The following CHN1 variants were observed in gnomAD, a reference collection of about 807,000 sequenced individuals.
The protein encoded by CHN1 is N-chimaerin.
A neutral mutation model predicts 59.5 loss-of-function variants in CHN1; 37 were observed. The ratio of observed to expected loss-of-function variants is 0.62; its 90% CI spans 0.48 to 0.82. The LOEUF (loss-of-function observed/expected upper bound fraction) is 0.82, where lower values mean the gene tolerates loss of function less well. Ranked by LOEUF, CHN1 falls within the 40% of genes least tolerant of loss-of-function variation. CHN1 has a pLI of 0.00. For missense variants in CHN1, 469 were observed against 571.0 expected, an observed-to-expected ratio of 0.82 and a Z score of 1.82; for synonymous variants, 206 against 200.4, an observed-to-expected ratio of 1.03 and a Z score of -0.24.
At chr2:174,945,693 T>C (rs1476437158) in intron 2 of CHN1, among the ~76,000 whole-genome samples, 2 of 152,060 alleles carry the variant, frequency 1.3e-5, no homozygotes, top group African/African-American at 4.8e-5. Context: ...TTTCTACATA[T>C]ATAATCACAT....
chr2:174,819,100 T>G (rs921870159), intron 8 of CHN1, among the ~76,000 whole-genome samples: 1 of 152,196 alleles, frequency 6.6e-6, no homozygotes, highest in Non-Finnish European at 1.5e-5. Flanking sequence ...TTAAGAAGAA[T>G]GCTTTGTTCT....
At chr2:174,981,688 T>G (rs2105450169) in intron 1 of CHN1, among the ~76,000 whole-genome samples, 1 of 152,334 alleles carries the variant, frequency 6.6e-6, no homozygotes, top group East Asian at 1.9e-4. Context: ...TTCATCAGCA[T>G]TTTGCCCATT....
intron 8 of CHN1, among the ~76,000 whole-genome samples, chr2:174,820,920 G>GC (rs1685468806): frequency 6.6e-6 from 1 of 152,082 alleles, no homozygotes; most frequent in African/African-American, 2.4e-5. Flanking sequence ...TTCCTGACAA[G>GC]CTCTCTTTTG....
intron 6 of CHN1, chr2:174,847,162 G>C (rs1558950400): frequency 6.5e-7 from 1 of 1,538,720 alleles, no homozygotes; most frequent in Non-Finnish European, 8.8e-7. Context: ...AAAACCTATA[G>C]TGGTCTATGT....
chr2:174,799,419 A>C lies in CHN1; in HGVS notation c.*697T>G, dbSNP rs996633562. 4 of 448,688 alleles carry C rather than the reference A, an allele frequency of 8.9e-6. No homozygotes were observed. In the Admixed American group the frequency reaches 1.3e-4, roughly 15 times the overall value. 27.8% of individuals were successfully genotyped at this position (448,688 alleles called of 1,614,324 possible). On this transcript the variant is annotated 3_prime_UTR_variant, in exon 13 of 13. Coordinates refer to ENST00000409900, the MANE Select transcript of CHN1 (RefSeq NM_001822.7). ...ATTTTTTATTTCTAAAAGCCAATTT[A>C]ATAAATTAATAAACGCATGCCAGAA...
intron 7 of CHN1, among the ~76,000 whole-genome samples, chr2:174,825,566 G>C (rs940925870): frequency 6.6e-6 from 1 of 152,090 alleles, no homozygotes; most frequent in Admixed American, 6.5e-5. Flanking sequence ...AGGCATTCTA[G>C]GTTAACTCAG....
intron 1 of CHN1, among the ~76,000 whole-genome samples, chr2:174,952,504 G>C (rs1007506817): frequency 6.6e-6 from 1 of 152,094 alleles, no homozygotes; most frequent in Non-Finnish European, 1.5e-5. Flanking sequence ...AGTCAATAAA[G>C]GCTTTGTTTC....
At chr2:174,951,027 C>T (rs934814688) in intron 2 of CHN1, among the ~76,000 whole-genome samples, 2 of 152,194 alleles carry the variant, frequency 1.3e-5, no homozygotes, top group Non-Finnish European at 2.9e-5. Context: ...AATCCGCCTG[C>T]CTCTGCCTCC....
intron 5 of CHN1, among the ~76,000 whole-genome samples, chr2:174,909,803 G>A (rs1688640043): frequency 6.6e-6 from 1 of 152,168 alleles, no homozygotes. Flanking sequence ...GGTAATACTT[G>A]TGGCTGAAAG....
intron 6 of CHN1, among the ~76,000 whole-genome samples, chr2:174,856,603 T>C (rs1441998223): frequency 1.3e-5 from 2 of 152,162 alleles, no homozygotes; most frequent in African/African-American, 4.8e-5. Context: ...AAGGGAGCTT[T>C]TTCACACTAC....
Position 174,878,091 on chromosome 2 carries a change from C to A in CHN1, c.298G>T (p.Asp100Tyr). The change falls in exon 6 of 13, where the codon GAT becomes TAT. Residue 100 changes from aspartate (D) to tyrosine (Y), a missense_variant. Transcript: ENST00000409900. ...TTCTCCCCAACAAAGTGCTTGCCATCGTAGTAGAGCCTGAAGTTTCTGGTT... is the reference window on the plus strand; with the variant it reads ...TTCTCCCCAACAAAGTGCTTGCCATAGTAGTAGAGCCTGAAGTTTCTGGTT... ...SQTRNFRLYY[D>Y]GKHFVGEKRF... 6.3e-7 allele frequency: 1 copy of A among 1,588,780 alleles called. No homozygotes were observed. The highest frequency in any genetic ancestry group is 8.6e-7 in the Non-Finnish European group (1 of 1,164,556).
chr2:174,913,330 A>G (rs1311306840), intron 5 of CHN1, among the ~76,000 whole-genome samples: 1 of 152,176 alleles, frequency 6.6e-6, no homozygotes, highest in Non-Finnish European at 1.5e-5. Flanking sequence ...ATTCTGGACC[A>G]TTTACATCAA....
intron 7 of CHN1, among the ~76,000 whole-genome samples, chr2:174,844,699 C>T (rs1686446954): frequency 6.6e-6 from 1 of 152,130 alleles, no homozygotes; most frequent in African/African-American, 2.4e-5. Context: ...CTGGGATGTT[C>T]TTGGAAGTCA....
chr2:174,950,243 A>C (rs1689979059), intron 2 of CHN1, among the ~76,000 whole-genome samples: 1 of 150,404 alleles, frequency 6.6e-6, no homozygotes, highest in South Asian at 2.1e-4. Flanking sequence ...GCAATAGCCT[A>C]TCTCTCTCTT....
intron 6 of CHN1, among the ~76,000 whole-genome samples, chr2:174,871,195 A>G (rs1257824525): frequency 6.6e-6 from 1 of 151,446 alleles, no homozygotes; most frequent in Non-Finnish European, 1.5e-5. Flanking sequence ...GCTGCTTTGA[A>G]CATAGCCCTA....
chr2:174,894,773 T>G (rs991002996), intron 5 of CHN1, among the ~76,000 whole-genome samples: 4 of 152,094 alleles, frequency 2.6e-5, no homozygotes, highest in Admixed American at 2.6e-4. Flanking sequence ...GTAGTCCACC[T>G]CATACATGGT....
At chr2:174,824,612 T>TTATA (rs1325143919) in intron 7 of CHN1, 94 bp from the exon 8 acceptor site, 11 of 571,572 alleles carry the variant, frequency 1.9e-5, no homozygotes, top group Admixed American at 1.3e-4. Context: ...AAGCCACATA[T>TTATA]TCTATATATA....
intron 1 of CHN1, among the ~76,000 whole-genome samples, chr2:174,994,643 GGAAGGCCAGGTA>G (rs1691647733): frequency 6.6e-6 from 1 of 152,232 alleles, no homozygotes; most frequent in African/African-American, 2.4e-5. Flanking sequence ...AACGCACAAA[GGAAGGCCAGGTA>G]GAAGAGACGA....
At chr2:174,931,341 G>A (rs944096345) in intron 3 of CHN1, among the ~76,000 whole-genome samples, 4 of 152,190 alleles carry the variant, frequency 2.6e-5, no homozygotes, top group African/African-American at 7.2e-5. Context: ...ACTATAGGCT[G>A]TGTGAGCACA....
Sources: gnomAD v4.1 joint callset for allele counts (sites outside exome capture counted in the v4.1 genomes callset) on GRCh38, gnomAD v4.1.1 for gene constraint, MANE v1.5 for transcripts, NCBI Gene and HGNC (gene_info 2026-07-23, HGNC 2026-07-21) for gene names.